The following GMEB2 variants were observed in gnomAD, a reference collection of about 807,000 sequenced individuals.
The protein encoded by GMEB2 is glucocorticoid modulatory element binding protein 2, also known as glucocorticoid modulatory element-binding protein 2.
In GMEB2, 7 loss-of-function variants were observed where a neutral mutation model predicts 45.7. The observed-to-expected ratio is 0.15, with a 90% CI of 0.09 to 0.29. GMEB2 has a LOEUF of 0.29. Ranked by LOEUF, GMEB2 falls within the 10% of genes least tolerant of loss-of-function variation. The pLI is 1.00. For missense variants in GMEB2, 582 were observed against 739.2 expected, an observed-to-expected ratio of 0.79 and a Z score of 2.47; for synonymous variants, 322 against 323.6, an observed-to-expected ratio of 1.00 and a Z score of 0.05.
chr20:63,608,219 A>AC (rs563093187), intron 2 of GMEB2, among the ~76,000 whole-genome samples: 1 of 3,420 alleles, frequency 2.9e-4, no homozygotes, highest in Non-Finnish European at 3.2e-3. Context: ...TGCCCCTCTG[A>AC]CCTCACCTCC....
intron 1 of GMEB2, among the ~76,000 whole-genome samples, chr20:63,626,575 G>GCCTGCGGGGTGGTC (rs1450745080): frequency 2.1e-5 from 3 of 140,734 alleles, no homozygotes; most frequent in African/African-American, 7.9e-5. Context: ...CGGGTCGGGT[G>GCCTGCGGGGTGGTC]CCTGCGGGGT....
At chr20:63,604,503 G>A (rs1254838187) in intron 3 of GMEB2, among the ~76,000 whole-genome samples, 1 of 152,158 alleles carries the variant, frequency 6.6e-6, no homozygotes, top group Non-Finnish European at 1.5e-5. Flanking sequence ...GCAAACTTGG[G>A]GCCAGGTGAC....
chr20:63,597,164 G>GTT (rs10627120), intron 5 of GMEB2, among the ~76,000 whole-genome samples: 4,007 of 132,570 alleles, frequency 0.03, 189 homozygotes, highest in South Asian at 0.08. Flanking sequence ...TTTTATTCTT[G>GTT]TTTTTTTTTT....
At position 63,590,165 on chromosome 20, in the gene GMEB2, C is replaced by T. The variant is rs764092751; in HGVS notation, c.1517G>A (p.Gly506Glu). The stretch of plus-strand genomic sequence containing the variant: ...GTGCTCCTCAGGCCCGGGGGCAGCC[C>T]CTGCGGGCACTGTCACAATTGTGCT... ...GSSTIVTVPA[G>E]AAPGPEEHTA... Residue 506 changes from glycine (G) to glutamate (E), a missense_variant, in exon 10 of 10, where the codon GGG (glycine) becomes GAG (glutamate). Gly to Glu is a moderately conservative substitution (Grantham distance 98, BLOSUM62 -2). This residue lies in a region of GMEB2 where 462 missense variants were observed against 586.7 expected (regional missense o/e 0.79). Coordinates refer to ENST00000370077, the MANE Select transcript of GMEB2 (RefSeq NM_012384.5). 1.3e-6 allele frequency: 2 copies of T among 1,589,240 alleles called. No individual in the cohort carries two copies. Among genetic ancestry groups the T allele is most frequent in the South Asian group, 2.2e-5 (2 of 89,458 alleles).
chr20:63,617,310 C>T (rs1450210286), intron 2 of GMEB2, among the ~76,000 whole-genome samples: 2 of 152,144 alleles, frequency 1.3e-5, no homozygotes, highest in South Asian at 2.1e-4. Flanking sequence ...AGAGAAAGAT[C>T]TTTCTCTCTC....
intron 2 of GMEB2, among the ~76,000 whole-genome samples, chr20:63,611,959 G>A (rs2089574248): frequency 6.6e-6 from 1 of 152,022 alleles, no homozygotes; most frequent in Admixed American, 6.6e-5. Context: ...AGGAGGCTGA[G>A]GCAGGACGAT....
chr20:63,606,379 G>A (rs13040623), intron 2 of GMEB2, among the ~76,000 whole-genome samples: 25,055 of 139,412 alleles, frequency 0.18, 2,938 homozygotes, highest in East Asian at 0.49. Flanking sequence ...ACGGAGTCTC[G>A]CTCTGTCGCT....
In GMEB2 at chr20:63,619,353, A is replaced by G; in HGVS notation, c.45T>C (p.Val15=). The change falls in exon 2 of 10, where the codon GTT becomes GTC. Residue 15 remains valine (V), a synonymous_variant. Coordinates refer to ENST00000370077, the MANE Select transcript of GMEB2 (RefSeq NM_012384.5). The surrounding 1 kb of genome is among the most constrained non-coding windows in gnomAD (Gnocchi z 4.6). ...CCACTGCAGTGTCCGGAGTTGTCAC[A>G]ACCACCACCTCCTCCATGTGCACAC... ...DVSVHMEEVV[V]VTTPDTAVDG... 1 of 1,612,846 alleles carries G rather than the reference A, an allele frequency of 6.2e-7. No individual in the cohort carries two copies. Among genetic ancestry groups the G allele is most frequent in the Non-Finnish European group, 8.5e-7 (1 of 1,179,870 alleles).
At chr20:63,617,399 C>A (rs897591308) in intron 2 of GMEB2, among the ~76,000 whole-genome samples, 1 of 152,202 alleles carries the variant, frequency 6.6e-6, no homozygotes, top group Non-Finnish European at 1.5e-5. Flanking sequence ...ACAGCTGAAC[C>A]TGGCAGACCC....
intron 4 of GMEB2, among the ~76,000 whole-genome samples, chr20:63,599,822 C>T (rs972421795): frequency 3.3e-5 from 5 of 152,218 alleles, no homozygotes; most frequent in African/African-American, 9.7e-5. Flanking sequence ...CGTCTGCCCC[C>T]TTGCCCCCGC....
At chr20:63,609,725 C>A (rs201888288) in intron 2 of GMEB2, among the ~76,000 whole-genome samples, 9 of 26,782 alleles carry the variant, frequency 3.4e-4, no homozygotes, top group Non-Finnish European at 1.1e-3. Flanking sequence ...TGACCCACAC[C>A]TCCATTTCTA....
chr20:63,599,094 C>A (rs1409323577), intron 4 of GMEB2, among the ~76,000 whole-genome samples: 1 of 152,238 alleles, frequency 6.6e-6, no homozygotes, highest in Non-Finnish European at 1.5e-5. Flanking sequence ...CTTACCAGAG[C>A]TGCCAGAGCC....
Position 63,589,955 on chromosome 20 carries a change from G to C in GMEB2, c.*134C>G, listed in dbSNP as rs1189774537. 2 of 631,682 alleles carry C rather than the reference G, an allele frequency of 3.2e-6. No homozygotes were observed. Among genetic ancestry groups the C allele is most frequent in the Non-Finnish European group, 5.0e-6 (2 of 401,936 alleles). 39.1% of individuals were successfully genotyped at this position (631,682 alleles called of 1,614,324 possible). ...CTCTCTTCTCGTGATTTGTTTTGGC[G>C]ATTCCTCTCTTTGGTTCTGCAGACC... On this transcript the variant is annotated 3_prime_UTR_variant, in exon 10 of 10. Transcript: ENST00000370077.
At chr20:63,610,809 CAG>C (rs1491131763) in intron 2 of GMEB2, among the ~76,000 whole-genome samples, 5 of 152,212 alleles carry the variant, frequency 3.3e-5, no homozygotes, top group African/African-American at 9.6e-5. Flanking sequence ...TCCATCAAGA[CAG>C]GGGGCTATTT....
At chr20:63,612,783 G>A (rs964271195) in intron 2 of GMEB2, among the ~76,000 whole-genome samples, 3 of 152,252 alleles carry the variant, frequency 2.0e-5, no homozygotes, top group African/African-American at 7.2e-5. Flanking sequence ...CCTCCCTCCA[G>A]AGACCCCTGT....
chr20:63,602,870 C>G, intron 4 of GMEB2, 95 bp downstream of exon 4: 1 of 1,146,426 alleles, frequency 8.7e-7, no homozygotes, highest in Non-Finnish European at 1.3e-6. Context: ...CCTGGAGACC[C>G]TGCCTCAGGA....
chr20:63,624,192 G>A (rs755039273), intron 1 of GMEB2, among the ~76,000 whole-genome samples: 4 of 151,402 alleles, frequency 2.6e-5, no homozygotes, highest in Non-Finnish European at 4.4e-5. Flanking sequence ...CGAGGCGGGT[G>A]GATCACCTGA....
chr20:63,616,431 C>T (rs1021885080), intron 2 of GMEB2, among the ~76,000 whole-genome samples: 10 of 152,090 alleles, frequency 6.6e-5, no homozygotes, highest in Non-Finnish European at 1.0e-4. Context: ...GCAACAAGAG[C>T]GAGACTCCAA....
intron 3 of GMEB2, among the ~76,000 whole-genome samples, chr20:63,604,383 AC>A (rs1308482841): frequency 6.6e-6 from 1 of 152,190 alleles, no homozygotes; most frequent in African/African-American, 2.4e-5. Flanking sequence ...GTCTCAAAAA[AC>A]AAAACCTTCT....
Sources: allele counts gnomAD v4.1 joint callset (sites outside exome capture counted in the v4.1 genomes callset), GRCh38; gene constraint gnomAD v4.1.1; regional missense constraint gnomAD v4.1.1; non-coding constraint Gnocchi (gnomAD v3.1); transcripts MANE v1.5; gene names NCBI Gene and HGNC (gene_info 2026-07-23, HGNC 2026-07-21).